The following FMN1 variants were observed in gnomAD, a reference collection of about 807,000 sequenced individuals.
The protein encoded by FMN1 is formin 1, also known as formin-1.
In FMN1, 110 loss-of-function variants were observed where a neutral mutation model predicts 132.4. The observed-to-expected ratio is 0.83, with a 90% CI of 0.71 to 0.97. FMN1 has a LOEUF of 0.97. Among genes scored for constraint, FMN1 ranks in the 50% least tolerant of loss-of-function variants. The pLI is 0.00. For missense variants in FMN1, 1,792 were observed against 1,705.3 expected, an observed-to-expected ratio of 1.05 and a Z score of -0.90; for synonymous variants, 722 against 651.7, an observed-to-expected ratio of 1.11 and a Z score of -1.64.
chr15:32,867,534 C>T lies in FMN1; in HGVS notation c.3836-10427G>A, dbSNP rs554349476. Reference sequence around the variant, plus strand: ...GTTTTTTTTTTTTGAGACGGAGTCTCGCTCTTTCACCCAGGCTGGAGTGCA... The same window carrying T: ...GTTTTTTTTTTTTGAGACGGAGTCTTGCTCTTTCACCCAGGCTGGAGTGCA... On this transcript the variant is annotated intron_variant, in intron 16 of 20. Coordinates refer to ENST00000616417, the MANE Select transcript of FMN1 (RefSeq NM_001277313.2). 2.1e-3 allele frequency among the ~76,000 whole-genome samples: 314 copies of T among 151,654 alleles called. 1 individual carries two copies. Among genetic ancestry groups the T allele is most frequent in the Non-Finnish European group, 2.8e-3 (191 of 67,912 alleles).
intron 7 of FMN1, among the ~76,000 whole-genome samples, chr15:33,002,808 A>C (rs1042973119): frequency 1.3e-5 from 2 of 152,202 alleles, no homozygotes; most frequent in African/African-American, 4.8e-5. Context: ...CAAATGAAAC[A>C]CTTCTTTGGG....
At chr15:32,860,683 T>A (rs1000261899) in intron 16 of FMN1, 1 of 152,136 alleles carries the variant, frequency 6.6e-6, no homozygotes, top group Admixed American at 6.5e-5. Context: ...TACATACATA[T>A]TAGCAATGTT....
intron 19 of FMN1, among the ~76,000 whole-genome samples, chr15:32,798,178 G>GAACACACACACACACACA (rs1555457387): frequency 2.4e-4 from 35 of 147,202 alleles, no homozygotes; most frequent in African/African-American, 7.9e-4. Flanking sequence ...TAAGGAAAAC[G>GAACACACACACACACACA]CACACACACA....
intron 3 of FMN1, among the ~76,000 whole-genome samples, chr15:33,160,351 G>C (rs1032534600): frequency 1.3e-4 from 20 of 152,172 alleles, no homozygotes; most frequent in Non-Finnish European, 2.8e-4. Flanking sequence ...AGGTTGACTA[G>C]CTGGTTGTTT....
At chr15:33,065,151 T>G in intron 5 of FMN1, 77 bp from the exon 6 acceptor site, 9 of 926,748 alleles carry the variant, frequency 9.7e-6, no homozygotes, top group Non-Finnish European at 1.3e-5. Flanking sequence ...ATGCTAAACC[T>G]AATTCTGAAG....
chr15:33,114,859 C>T (rs2039852977), intron 4 of FMN1, among the ~76,000 whole-genome samples: 1 of 152,146 alleles, frequency 6.6e-6, no homozygotes, highest in Admixed American at 6.6e-5. Context: ...CTTTTTTCCC[C>T]TCCCTTATTT....
Position 33,011,083 on chromosome 15 carries a change from A to G in FMN1, c.2162-3008T>C, listed in dbSNP as rs185759896. The stretch of plus-strand genomic sequence containing the variant: ...GGAAGCATGAAAGTGCAAAATGCCA[A>G]TAAGAGCCAAGGAATGCATGAAAAT... On this transcript the variant is annotated intron_variant, in intron 6 of 20. Transcript: ENST00000616417. 2.7e-4 allele frequency among the ~76,000 whole-genome samples: 41 copies of G among 152,316 alleles called. No homozygotes were observed. The South Asian group carries it at 7.5e-3, about 28-fold the overall frequency.
intron 7 of FMN1, among the ~76,000 whole-genome samples, chr15:32,992,467 C>G (rs963475628): frequency 1.3e-5 from 2 of 152,060 alleles, no homozygotes; most frequent in Non-Finnish European, 2.9e-5. Flanking sequence ...TCCCTCAGGA[C>G]TAACTGAAAA....
intron 2 of FMN1, among the ~76,000 whole-genome samples, chr15:33,181,052 C>T (rs1965682279): frequency 6.6e-6 from 1 of 152,102 alleles, no homozygotes; most frequent in African/African-American, 2.4e-5. Flanking sequence ...TGCCCGGCCT[C>T]TCCTGCTCTT....
chr15:33,044,147 G>C (rs1044837650), intron 6 of FMN1, among the ~76,000 whole-genome samples: 1 of 152,242 alleles, frequency 6.6e-6, no homozygotes, highest in African/African-American at 2.4e-5. Flanking sequence ...GTGCCCTCAA[G>C]ACTTTGGGCA....
chr15:32,793,281 T>C (rs924316579), intron 19 of FMN1, among the ~76,000 whole-genome samples: 2 of 152,208 alleles, frequency 1.3e-5, no homozygotes, highest in African/African-American at 2.4e-5. Flanking sequence ...ATTTCTTTTT[T>C]TCTTTTCTTT....
chr15:33,078,309 T>C (rs2038304511), intron 5 of FMN1, among the ~76,000 whole-genome samples: 1 of 152,220 alleles, frequency 6.6e-6, no homozygotes. Flanking sequence ...TTATGGAGCA[T>C]GTGCAGGTGG....
Position 33,097,303 on chromosome 15 carries a change from T to TA in FMN1, c.1868-8330dup, listed in dbSNP as rs35888764. Among the ~76,000 whole-genome samples, 746 of 127,236 alleles carry TA rather than the reference T, an allele frequency of 5.9e-3. 5 individuals carry two copies. The highest frequency in any genetic ancestry group is 0.017 in the African/African-American group (591 of 33,932). 83.5% of individuals were successfully genotyped at this position (127,236 alleles called of 152,430 possible). On this transcript the variant is annotated intron_variant, in intron 4 of 20. Coordinates refer to ENST00000616417, the MANE Select transcript of FMN1 (RefSeq NM_001277313.2). ...TGGATGACAGAGTGAGACCCTGTCT[T>TA]AAAAAAAAAAAAAAGAGAGAGAGAG...
At chr15:32,928,249 T>C (rs900175624) in intron 9 of FMN1, among the ~76,000 whole-genome samples, 1 of 152,154 alleles carries the variant, frequency 6.6e-6, no homozygotes, top group Non-Finnish European at 1.5e-5. Flanking sequence ...GAAAGATTCT[T>C]GAGGCATACA....
chr15:32,818,262 T>C (rs183460643), intron 17 of FMN1, among the ~76,000 whole-genome samples: 94 of 152,248 alleles, frequency 6.2e-4, no homozygotes, highest in Non-Finnish European at 9.7e-4. Flanking sequence ...ATGAATACTT[T>C]TATAATGAAT....
chr15:32,965,640 A>G (rs1289251412), intron 8 of FMN1, among the ~76,000 whole-genome samples: 2 of 152,178 alleles, frequency 1.3e-5, no homozygotes, highest in East Asian at 3.9e-4. Flanking sequence ...CTGGCTCCTC[A>G]GGTCTGCGTG....
At chr15:33,092,582 G>A (rs769183156) in intron 4 of FMN1, among the ~76,000 whole-genome samples, 2 of 152,128 alleles carry the variant, frequency 1.3e-5, no homozygotes, top group African/African-American at 2.4e-5. Flanking sequence ...CGAATGAGAC[G>A]TGGAACATCT....
intron 9 of FMN1, among the ~76,000 whole-genome samples, chr15:32,932,381 A>T (rs1369101519): frequency 1.3e-5 from 2 of 152,214 alleles, no homozygotes; most frequent in African/African-American, 4.8e-5. Context: ...AGCCTAGGAA[A>T]CAGAGTGAGA....
At chr15:33,180,831 C>T (rs570610354) in intron 2 of FMN1, among the ~76,000 whole-genome samples, 1 of 147,876 alleles carries the variant, frequency 6.8e-6, no homozygotes, top group South Asian at 2.2e-4. Context: ...CTCACTGCAA[C>T]CTCCCCCTCC....
Sources: allele counts gnomAD v4.1 joint callset (sites outside exome capture counted in the v4.1 genomes callset), GRCh38; gene constraint gnomAD v4.1.1; transcripts MANE v1.5; gene names NCBI Gene and HGNC (gene_info 2026-07-23, HGNC 2026-07-21).